Variants in GTF2A1L observed in about 807,000 individuals in gnomAD.
GTF2A1L encodes the protein TFIIA-alpha and beta-like factor.
In GTF2A1L, 48 loss-of-function variants were observed where a neutral mutation model predicts 49.7. The observed-to-expected ratio is 0.97, with a 90% confidence interval of 0.77 to 1.23. The LOEUF is 1.23. Among genes scored for constraint, GTF2A1L ranks in the 50% most tolerant of loss-of-function variants. The pLI is 0.00. For synonymous variants in GTF2A1L, 246 were observed against 193.5 expected (o/e 1.27, Z -2.25); for missense variants, 736 against 564.8 (o/e 1.30, Z -3.07).
Position 48,670,970 on chromosome 2 carries a change from C to T in GTF2A1L, c.1240-621C>T, listed in dbSNP as rs147001362. On this transcript the variant is annotated intron_variant, in intron 7 of 8. Coordinates refer to ENST00000403751, the MANE Select transcript of GTF2A1L (RefSeq NM_006872.5). ...TCCTGAGTAGCTAGGATTACAGGCACACCACCATGCCCAGCTAATATTTAT... is the reference window on the plus strand; with the variant it reads ...TCCTGAGTAGCTAGGATTACAGGCATACCACCATGCCCAGCTAATATTTAT... Among the ~76,000 whole-genome samples the T allele has an allele frequency of 3.2e-3, 486 of 152,020 alleles. 3 individuals are homozygous for T. The highest frequency in any genetic ancestry group is 0.011 in the African/African-American group (452 of 41,424).
intron 6 of GTF2A1L, among the ~76,000 whole-genome samples, chr2:48,661,921 C>T (rs189845225): frequency 2.0e-5 from 3 of 152,262 alleles, no homozygotes; most frequent in Admixed American, 6.5e-5. Flanking sequence ...TCGGAAAGAA[C>T]TAACTCTTGC....
Position 48,620,920 on chromosome 2 carries a change from A to T in GTF2A1L, c.91A>T (p.Ile31Leu). 1 of 1,607,342 alleles carries T rather than the reference A, an allele frequency of 6.2e-7. No individual in the cohort carries two copies. The highest frequency in any genetic ancestry group is 1.3e-5 in the African/African-American group (1 of 74,796). The change falls in exon 2 of 9, where the codon ATA becomes TTA. Residue 31 changes from isoleucine to leucine, a missense_variant. Transcript: ENST00000403751. ...TCGGAATCTATTTGCTGAAGAAGGT[A>T]TAGAGGAACAAGTTTTAAAAGACTT... ...GVRNLFAEEG[I>L]EEQVLKDLKQ...
chr2:48,637,893 G>A (rs969418904), intron 3 of GTF2A1L, among the ~76,000 whole-genome samples: 1 of 150,356 alleles, frequency 6.7e-6, no homozygotes, highest in Non-Finnish European at 1.5e-5. Flanking sequence ...AATGAAGGGA[G>A]TGTTACCACT....
intron 8 of GTF2A1L, among the ~76,000 whole-genome samples, chr2:48,675,298 G>A (rs1679404211): frequency 6.6e-6 from 1 of 152,102 alleles, no homozygotes; most frequent in African/African-American, 2.4e-5. Context: ...CCACGCCAGA[G>A]TACTGGATAA....
intron 6 of GTF2A1L, among the ~76,000 whole-genome samples, chr2:48,663,783 GCA>G (rs1432260116): frequency 1.3e-5 from 2 of 152,060 alleles, no homozygotes; most frequent in Admixed American, 6.6e-5. Context: ...GGGACTGTAG[GCA>G]CACACAACCA....
intron 6 of GTF2A1L, among the ~76,000 whole-genome samples, chr2:48,647,821 G>A (rs1161492238): frequency 6.6e-6 from 1 of 152,000 alleles, no homozygotes; most frequent in Non-Finnish European, 1.5e-5. Flanking sequence ...AAAGACTCAT[G>A]GAGAATTTTG....
At chr2:48,632,108 C>T (rs1046429340) in intron 3 of GTF2A1L, among the ~76,000 whole-genome samples, 2 of 152,180 alleles carry the variant, frequency 1.3e-5, no homozygotes, top group Non-Finnish European at 2.9e-5. Flanking sequence ...GTATAAGGCT[C>T]TACTTCAGAT....
chr2:48,655,276 A>G (rs1378279294), intron 6 of GTF2A1L, among the ~76,000 whole-genome samples: 1 of 152,104 alleles, frequency 6.6e-6, no homozygotes, highest in African/African-American at 2.4e-5. Context: ...TAAAACTGCC[A>G]TCAAGAACAT....
chr2:48,643,861 A>G (rs1363330486), intron 4 of GTF2A1L, among the ~76,000 whole-genome samples: 1 of 151,860 alleles, frequency 6.6e-6, no homozygotes, highest in East Asian at 1.9e-4. Flanking sequence ...ACCATGCCCA[A>G]CTAATTTTTT....
intron 3 of GTF2A1L, among the ~76,000 whole-genome samples, chr2:48,628,972 G>A (rs1365499593): frequency 7.0e-6 from 1 of 143,638 alleles, no homozygotes; most frequent in Non-Finnish European, 1.6e-5. Context: ...AGCCAGGTGC[G>A]GTGGCTCATG....
At chr2:48,637,161 A>G (rs933250821) in intron 3 of GTF2A1L, among the ~76,000 whole-genome samples, 12 of 152,338 alleles carry the variant, frequency 7.9e-5, no homozygotes, top group Non-Finnish European at 1.2e-4. Flanking sequence ...GCGTATTCAC[A>G]AAGAAGAAAT....
chr2:48,648,834 A>C (rs1290558721), intron 6 of GTF2A1L, among the ~76,000 whole-genome samples: 1 of 152,160 alleles, frequency 6.6e-6, no homozygotes, highest in Non-Finnish European at 1.5e-5. Flanking sequence ...AACGTACAAG[A>C]GTATATGTAA....
At chr2:48,625,768 A>C (rs553941817) in intron 3 of GTF2A1L, among the ~76,000 whole-genome samples, 1 of 142,940 alleles carries the variant, frequency 7.0e-6, no homozygotes, top group South Asian at 2.4e-4. Flanking sequence ...TTTTTTGTAG[A>C]GACCAGGTTT....
At chr2:48,629,776 A>G (rs756077559) in intron 3 of GTF2A1L, among the ~76,000 whole-genome samples, 1 of 144,450 alleles carries the variant, frequency 6.9e-6, no homozygotes, top group Non-Finnish European at 1.6e-5. Flanking sequence ...GCCCAGTTAC[A>G]TCTTGAGTTA....
chr2:48,633,970 A>G lies in GTF2A1L; in HGVS notation c.248-8432A>G, dbSNP rs144343159. Among the ~76,000 whole-genome samples, 7 of 151,124 alleles carry G rather than the reference A, an allele frequency of 4.6e-5. No individual in the cohort carries two copies. The East Asian group carries it at 1.4e-3, about 29-fold the overall frequency. ...GACCTCTGCTCTTTTTTTGTTTTCT[A>G]TTTGCTTGGTGGATCACTCTTCAGC... On this transcript the variant is annotated intron_variant, in intron 3 of 8. Coordinates refer to ENST00000403751, the MANE Select transcript of GTF2A1L (RefSeq NM_006872.5).
intron 5 of GTF2A1L, among the ~76,000 whole-genome samples, chr2:48,645,856 G>T (rs917598670): frequency 2.0e-5 from 3 of 151,868 alleles, no homozygotes; most frequent in African/African-American, 7.3e-5. Context: ...CACCGTTTTA[G>T]CCAGGAGGGT....
chr2:48,635,989 C>G (rs1189910740), intron 3 of GTF2A1L, among the ~76,000 whole-genome samples: 1 of 152,160 alleles, frequency 6.6e-6, no homozygotes, highest in African/African-American at 2.4e-5. Flanking sequence ...GGCTGTCTTT[C>G]TCTCTCATGT....
At chr2:48,669,206 G>T (rs1425126885) in intron 6 of GTF2A1L, among the ~76,000 whole-genome samples, 1 of 151,996 alleles carries the variant, frequency 6.6e-6, no homozygotes, top group East Asian at 1.9e-4. Context: ...ATATCCCCTA[G>T]TAACCTCGAT....
intron 6 of GTF2A1L, among the ~76,000 whole-genome samples, chr2:48,649,011 TG>T (rs1226330116): frequency 2.0e-5 from 3 of 152,212 alleles, no homozygotes; most frequent in Non-Finnish European, 4.4e-5. Context: ...TGTAAACTAC[TG>T]GAGAGCTTAT....
Sources: allele counts gnomAD v4.1 joint callset (sites outside exome capture counted in the v4.1 genomes callset), GRCh38; gene constraint gnomAD v4.1.1; transcripts MANE v1.5; gene names NCBI Gene and HGNC (gene_info 2026-07-23, HGNC 2026-07-21).